GRK7: variants seen among roughly 807,000 people sequenced by gnomAD.
The protein encoded by GRK7 is rhodopsin kinase GRK7.
GRK7 carries 24 observed loss-of-function variants against 34.1 expected under a neutral mutation model. The observed-to-expected ratio is 0.70, with a 90% CI of 0.51 to 0.99. The LOEUF (loss-of-function observed/expected upper bound fraction) is 0.99. GRK7 is among the 50% of genes least tolerant of loss of function. The pLI is 0.00. For synonymous variants in GRK7, 256 were observed against 279.4 expected, an observed-to-expected ratio of 0.92 and a Z score of 0.84; for missense variants, 644 against 707.3, an observed-to-expected ratio of 0.91 and a Z score of 1.02.
At chr3:141,815,929 G>A (rs1011751152) in intron 5 of GRK7, among the ~76,000 whole-genome samples, 16 of 152,186 alleles carry the variant, frequency 1.1e-4, no homozygotes, top group African/African-American at 3.6e-4. Flanking sequence ...CTCTGAGACA[G>A]AGACACCCAG....
chr3:141,777,322 C>CTTTTT lies in GRK7; in HGVS notation c.-113-834_-113-830dup, dbSNP rs770173065. Among the ~76,000 whole-genome samples the CTTTTT allele has an allele frequency of 6.9e-3, 366 of 52,854 alleles. 74 individuals carry two copies. The highest frequency in any genetic ancestry group is 0.024 in the African/African-American group (263 of 11,148). 34.7% of individuals were successfully genotyped at this position (52,854 alleles called of 152,430 possible). On this transcript the variant is annotated intron_variant, in intron 2 of 5. Transcript: ENST00000682958. ...TATGTTTTGGGTGGAGATGGCCCCT[C>CTTTTT]TTTTTTTTTTTTTTTTTTTTGAGAC... is the stretch of plus-strand genomic sequence containing the variant.
At position 141,782,266 on chromosome 3, in the gene GRK7, A is replaced by G. The variant is rs536777489; in HGVS notation, c.1050+1455A>G. 2.0e-5 allele frequency among the ~76,000 whole-genome samples: 3 copies of G among 152,304 alleles called. No homozygotes were observed. In the South Asian group the frequency reaches 6.2e-4, roughly 32 times the overall value. On this transcript the variant is annotated intron_variant, in intron 4 of 5. Transcript: ENST00000682958. Reference sequence around the variant, plus strand: ...CAGGCAAGAAATAATGGGGGTCTGTACAGGACAGTGGGATTGAAGAAGTGG... The same window carrying G: ...CAGGCAAGAAATAATGGGGGTCTGTGCAGGACAGTGGGATTGAAGAAGTGG...
chr3:141,777,317 C>T (rs1284549846), intron 2 of GRK7, among the ~76,000 whole-genome samples: 2 of 75,810 alleles, frequency 2.6e-5, no homozygotes, highest in African/African-American at 1.3e-4. Flanking sequence ...GTGGAGATGG[C>T]CCCTCTTTTT....
At chr3:141,766,567 A>T (rs1160909795) in intron 1 of GRK7, among the ~76,000 whole-genome samples, 1 of 152,228 alleles carries the variant, frequency 6.6e-6, no homozygotes, top group Non-Finnish European at 1.5e-5. Context: ...GAAATTTCTA[A>T]TAAATACTTA....
chr3:141,766,225 G>A (rs1489435185), intron 1 of GRK7, among the ~76,000 whole-genome samples: 2 of 151,334 alleles, frequency 1.3e-5, no homozygotes, highest in Non-Finnish European at 2.9e-5. Context: ...GTGCAGTGGC[G>A]CGATCTCAGC....
At chr3:141,807,487 G>A (rs1339791750) in intron 4 of GRK7, among the ~76,000 whole-genome samples, 158 bp from the exon 5 acceptor site, 1 of 152,188 alleles carries the variant, frequency 6.6e-6, no homozygotes, top group Non-Finnish European at 1.5e-5. Context: ...GCAGCACAAA[G>A]AATAGGTTAG....
chr3:141,774,982 G>C (rs913989288), intron 2 of GRK7, among the ~76,000 whole-genome samples: 1 of 151,910 alleles, frequency 6.6e-6, no homozygotes, highest in African/African-American at 2.4e-5. Flanking sequence ...TAGCAGAGAC[G>C]GGGTTTCGCC....
chr3:141,753,990 A>C, the GRK7 span, among the ~76,000 whole-genome samples: 6 of 152,254 alleles, frequency 3.9e-5, no homozygotes, highest in African/African-American at 1.4e-4. Flanking sequence ...GGTTCCTTGA[A>C]AAATCAATTA....
At chr3:141,792,918 T>TA (rs2084731622) in intron 4 of GRK7, among the ~76,000 whole-genome samples, 1 of 152,050 alleles carries the variant, frequency 6.6e-6, no homozygotes, top group Admixed American at 6.5e-5. Context: ...GAAGACTCCA[T>TA]AAAAACCCAA....
chr3:141,797,697 T>C (rs937703513), intron 4 of GRK7, among the ~76,000 whole-genome samples: 1 of 152,110 alleles, frequency 6.6e-6, no homozygotes, highest in African/African-American at 2.4e-5. Flanking sequence ...GTGCTTTTGC[T>C]GGGCCGCGCC....
chr3:141,755,225 A>G, the GRK7 span, among the ~76,000 whole-genome samples: 1 of 152,322 alleles, frequency 6.6e-6, no homozygotes, highest in Non-Finnish European at 1.5e-5. Context: ...GTTCTTAGCC[A>G]GGTGTGGTGG....
chr3:141,805,089 C>T (rs1308239223), intron 4 of GRK7, among the ~76,000 whole-genome samples: 1 of 150,532 alleles, frequency 6.6e-6, no homozygotes, highest in African/African-American at 2.5e-5. Flanking sequence ...CACATACACT[C>T]ACATACACAC....
At chr3:141,762,188 C>T (rs922699290), upstream of GRK7, among the ~76,000 whole-genome samples, 971 of 150,044 alleles carry the variant, frequency 6.5e-3, 5 homozygotes, top group Non-Finnish European at 0.01. Context: ...GGAGGAGAGG[C>T]GCTCTGCGTT....
chr3:141,792,728 C>G (rs534623349), intron 4 of GRK7, among the ~76,000 whole-genome samples: 5 of 152,294 alleles, frequency 3.3e-5, no homozygotes, highest in African/African-American at 1.2e-4. Flanking sequence ...GCATACAACT[C>G]CAAATCTTCA....
At chr3:141,756,392 T>C in the GRK7 span, among the ~76,000 whole-genome samples, 1 of 152,144 alleles carries the variant, frequency 6.6e-6, no homozygotes, top group Non-Finnish European at 1.5e-5. Flanking sequence ...CTTTAGATTA[T>C]GTTGAGCAAA....
At chr3:141,768,450 T>C (rs1577909564) in intron 1 of GRK7, among the ~76,000 whole-genome samples, 1 of 151,948 alleles carries the variant, frequency 6.6e-6, no homozygotes, top group African/African-American at 2.4e-5. Flanking sequence ...GCTAATTTTT[T>C]TGTATTTTTA....
At chr3:141,809,883 GTC>G (rs1246957996) in intron 5 of GRK7, among the ~76,000 whole-genome samples, 3 of 152,142 alleles carry the variant, frequency 2.0e-5, no homozygotes. Flanking sequence ...CTTTCCTTGA[GTC>G]TCAATATCCT....
In GRK7 at chr3:141,778,733, C is replaced by A; in HGVS notation, c.449C>A (p.Ala150Asp). The A allele has an allele frequency of 6.2e-7, 1 of 1,611,266 alleles. No homozygotes were observed. Among genetic ancestry groups the A allele is most frequent in the Non-Finnish European group, 8.5e-7 (1 of 1,178,370 alleles). ...EEERVAAVTL[A>D]KAEAMAFLQE... ...GAGCGAGTGGCTGCAGTGACGCTGG[C>A]CAAGGCTGAGGCCATGGCTTTCTTG... Residue 150 changes from alanine to aspartate, a missense_variant, in exon 3 of 6, where the codon GCC becomes GAC. By Grantham distance (126) the Ala-to-Asp change is moderately radical (BLOSUM62 -2). Transcript: ENST00000682958. This position sits in a 1 kb window ranked among gnomAD's most constrained non-coding sequence, Gnocchi z 4.1.
chr3:141,815,695 T>G (rs1711144807), intron 5 of GRK7, among the ~76,000 whole-genome samples: 1 of 90,602 alleles, frequency 1.1e-5, no homozygotes, highest in South Asian at 3.7e-4. Context: ...GCTTCTATTT[T>G]GAGCTGTGTG....
Sources: allele counts gnomAD v4.1 joint callset (sites outside exome capture counted in the v4.1 genomes callset), GRCh38; gene constraint gnomAD v4.1.1; non-coding constraint Gnocchi (gnomAD v3.1); transcripts MANE v1.5; gene names NCBI Gene and HGNC (gene_info 2026-07-23, HGNC 2026-07-21).